Variants in NTM observed in about 807,000 individuals in gnomAD.
The protein encoded by NTM is neurotrimin, also known as IgLON family member 2.
In NTM, 13 loss-of-function variants were observed where a neutral mutation model predicts 42.1. The observed-to-expected ratio is 0.31, with a 90% CI of 0.20 to 0.49. The LOEUF (loss-of-function observed/expected upper bound fraction) is 0.49. NTM is among the 20% of genes least tolerant of loss of function. The pLI is 0.99. For missense variants in NTM, 373 were observed against 452.8 expected (o/e 0.82, Z 1.60); for synonymous variants, 187 against 179.2 (o/e 1.04, Z -0.35).
rs374131135 is a variant in NTM at position 132,204,524 on chromosome 11, C to G, written c.401-7498C>G. On this transcript the variant is annotated intron_variant, in intron 3 of 8. Coordinates refer to ENST00000683400, the MANE Select transcript of NTM (RefSeq NM_001352005.2). The stretch of plus-strand genomic sequence containing the variant: ...CTTGTAGAAAGGGGGTTTGAGGAAG[C>G]CTTCTGTGAGGAGCTGAAATTGAAA... 2.0e-4 allele frequency among the ~76,000 whole-genome samples: 31 copies of G among 152,198 alleles called. 1 individual carries two copies. Among genetic ancestry groups the G allele is most frequent in the African/African-American group, 7.0e-4 (29 of 41,550 alleles).
In NTM at chr11:131,653,650, C is replaced by T. The variant is rs571558487; in HGVS notation, c.83-257914C>T. 9.8e-4 allele frequency among the ~76,000 whole-genome samples: 150 copies of T among 152,330 alleles called. 2 individuals carry two copies. Among genetic ancestry groups the T allele is most frequent in the Admixed American group, 1.4e-3 (22 of 15,302 alleles). ...CTGGAGCCAGCTTGCTGCTCCTACC[C>T]GAGTGCCTGGAGCTGAGAGTGTAGG... is the stretch of plus-strand genomic sequence containing the variant. On this transcript the variant is annotated intron_variant, in intron 1 of 8. Transcript: ENST00000683400.
At chr11:131,725,698 C>CT (rs558138057) in intron 1 of NTM, among the ~76,000 whole-genome samples, 85 of 152,266 alleles carry the variant, frequency 5.6e-4, no homozygotes, top group African/African-American at 1.9e-3. Context: ...CCTATAGGGC[C>CT]TTGAAGGCTG....
intron 1 of NTM, among the ~76,000 whole-genome samples, chr11:131,475,808 A>G (rs1952872100): frequency 6.6e-6 from 1 of 152,204 alleles, no homozygotes; most frequent in Non-Finnish European, 1.5e-5. Flanking sequence ...AATGAACTCA[A>G]TACCTTACAG....
At chr11:132,118,542 G>A (rs1001194786) in intron 2 of NTM, among the ~76,000 whole-genome samples, 5 of 152,172 alleles carry the variant, frequency 3.3e-5, no homozygotes, top group African/African-American at 4.8e-5. Flanking sequence ...CTCGGAACAC[G>A]GGCTTCCTCT....
At chr11:132,042,256 GT>G (rs2077303614) in intron 2 of NTM, among the ~76,000 whole-genome samples, 2 of 152,138 alleles carry the variant, frequency 1.3e-5, no homozygotes, top group Admixed American at 1.3e-4. Context: ...CCTCGTTCCT[GT>G]TCTGTGAGAG....
At chr11:131,391,947 G>A (rs1944062512) in intron 1 of NTM, among the ~76,000 whole-genome samples, 1 of 152,222 alleles carries the variant, frequency 6.6e-6, no homozygotes, top group Non-Finnish European at 1.5e-5. Flanking sequence ...AAGAATAAAT[G>A]TGTTGATGCA....
intron 1 of NTM, among the ~76,000 whole-genome samples, chr11:131,543,070 C>A (rs1020317795): frequency 6.6e-6 from 1 of 152,196 alleles, no homozygotes; most frequent in Non-Finnish European, 1.5e-5. Flanking sequence ...AGGATGAACA[C>A]GTGACTTCTC....
At chr11:131,923,873 C>G (rs1471055624) in intron 2 of NTM, among the ~76,000 whole-genome samples, 1 of 152,236 alleles carries the variant, frequency 6.6e-6, no homozygotes, top group Non-Finnish European at 1.5e-5. Flanking sequence ...CAAATGCTGG[C>G]TCAGCCACTG....
intron 3 of NTM, among the ~76,000 whole-genome samples, chr11:132,155,106 A>G (rs1041335421): frequency 6.6e-6 from 1 of 152,218 alleles, no homozygotes; most frequent in Non-Finnish European, 1.5e-5. Flanking sequence ...CTGCACAATG[A>G]ACCCGGTGTT....
chr11:131,374,169 G>A (rs1941629372), intron 1 of NTM, among the ~76,000 whole-genome samples: 1 of 152,240 alleles, frequency 6.6e-6, no homozygotes, highest in Non-Finnish European at 1.5e-5. Flanking sequence ...AGGGCGTCAG[G>A]GAGCCTCATC....
At chr11:131,733,039 A>G (rs953017591) in intron 1 of NTM, among the ~76,000 whole-genome samples, 4 of 152,188 alleles carry the variant, frequency 2.6e-5, no homozygotes, top group African/African-American at 7.2e-5. Flanking sequence ...TAACATTACC[A>G]TATTGTTGAT....
At chr11:131,393,314 C>T (rs1268588693) in intron 1 of NTM, among the ~76,000 whole-genome samples, 3 of 152,180 alleles carry the variant, frequency 2.0e-5, no homozygotes, top group Non-Finnish European at 4.4e-5. Context: ...TGGGCTCCTT[C>T]ATGTCAAATT....
chr11:131,686,534 A>G (rs1278139381), intron 1 of NTM, among the ~76,000 whole-genome samples: 1 of 152,168 alleles, frequency 6.6e-6, no homozygotes, highest in Non-Finnish European at 1.5e-5. Flanking sequence ...AGGAGGAGGA[A>G]GGAGAATCGG....
chr11:131,822,239 T>C (rs1209996559), intron 1 of NTM, among the ~76,000 whole-genome samples: 4 of 152,268 alleles, frequency 2.6e-5, no homozygotes, highest in Admixed American at 2.6e-4. Flanking sequence ...CCCTTCTTCC[T>C]TTTCACTGCA....
intron 1 of NTM, among the ~76,000 whole-genome samples, chr11:131,777,714 A>G (rs939545072): frequency 6.6e-6 from 1 of 152,152 alleles, no homozygotes; most frequent in African/African-American, 2.4e-5. Context: ...GAGATATTAC[A>G]GTTGCTATGA....
intron 1 of NTM, among the ~76,000 whole-genome samples, chr11:131,372,210 G>C (rs368629642): frequency 1.4e-4 from 22 of 152,294 alleles, no homozygotes; most frequent in African/African-American, 4.8e-4. Flanking sequence ...ACTGGGGCTC[G>C]ATGAAGAAGG....
chr11:132,253,937 C>T (rs982836156), intron 4 of NTM, among the ~76,000 whole-genome samples: 35 of 152,286 alleles, frequency 2.3e-4, no homozygotes, highest in African/African-American at 7.7e-4. Flanking sequence ...AGCTTGCCAT[C>T]GTGCTGCACT....
intron 1 of NTM, among the ~76,000 whole-genome samples, chr11:131,734,956 G>A (rs2080221923): frequency 6.6e-6 from 1 of 152,058 alleles, no homozygotes; most frequent in African/African-American, 2.4e-5. Context: ...TAACCAAGGG[G>A]CTAACTTCAC....
chr11:131,826,674 T>C (rs2136479509), intron 1 of NTM, among the ~76,000 whole-genome samples: 1 of 151,808 alleles, frequency 6.6e-6, no homozygotes, highest in African/African-American at 2.4e-5. Context: ...CAGGGAGGAA[T>C]TTTTTCATTT....
Sources: gnomAD v4.1 joint callset for allele counts (sites outside exome capture counted in the v4.1 genomes callset) on GRCh38, gnomAD v4.1.1 for gene constraint, MANE v1.5 for transcripts, NCBI Gene and HGNC (gene_info 2026-07-23, HGNC 2026-07-21) for gene names.